ZBTB46: variants seen among roughly 807,000 people sequenced by gnomAD.
ZBTB46 encodes zinc finger and BTB domain-containing protein 46.
ZBTB46 carries 8 observed loss-of-function variants against 44.1 expected under a neutral mutation model. That is an observed-to-expected ratio of 0.18 (90% confidence interval 0.11 to 0.33). ZBTB46 has a LOEUF of 0.33. ZBTB46 is among the 10% of genes least tolerant of loss of function. ZBTB46 has a pLI of 1.00. For synonymous variants in ZBTB46, 409 were observed against 382.3 expected (o/e 1.07, Z -0.81); for missense variants, 651 against 847.7 (o/e 0.77, Z 2.88).
intron 1 of ZBTB46, among the ~76,000 whole-genome samples, chr20:63,798,100 G>C (rs958451418): frequency 1.3e-5 from 2 of 152,114 alleles, no homozygotes; most frequent in African/African-American, 2.4e-5. Context: ...GTATTGCCTA[G>C]GTTTTCTTCT....
chr20:63,788,634 T>A (rs1352216153), intron 2 of ZBTB46, among the ~76,000 whole-genome samples: 1 of 151,524 alleles, frequency 6.6e-6, no homozygotes, highest in Non-Finnish European at 1.5e-5. Flanking sequence ...AAGTCAGGAG[T>A]TCGAGACCAT....
At position 63,748,900 on chromosome 20, in the gene ZBTB46, A is replaced by G. The variant is rs559125990; in HGVS notation, c.1399-1599T>C. 7.8e-4 allele frequency among the ~76,000 whole-genome samples: 119 copies of G among 152,330 alleles called. 1 individual carries two copies. Among genetic ancestry groups the G allele is most frequent in the African/African-American group, 2.7e-3 (112 of 41,570 alleles). ...TGTCATGGCGGAAGACGGTCCTGCT[A>G]CACTTGCAAAGACCTCTGACGGGCA... On this transcript the variant is annotated intron_variant, in intron 4 of 4. Coordinates refer to ENST00000245663, the MANE Select transcript of ZBTB46 (RefSeq NM_001369741.1).
At chr20:63,816,091 GGTGCA>G (rs112514917) in intron 1 of ZBTB46, among the ~76,000 whole-genome samples, 2 of 148,390 alleles carry the variant, frequency 1.3e-5, no homozygotes, top group East Asian at 2.0e-4. Flanking sequence ...GGTGGGCACA[GGTGCA>G]GTGGGCGCAG....
At chr20:63,793,406 T>A (rs2092576503) in intron 1 of ZBTB46, among the ~76,000 whole-genome samples, 1 of 152,044 alleles carries the variant, frequency 6.6e-6, no homozygotes, top group Admixed American at 6.6e-5. Flanking sequence ...ATCGGGGAAG[T>A]GACCAAAACA....
intron 1 of ZBTB46, among the ~76,000 whole-genome samples, chr20:63,809,837 C>T (rs2092707619): frequency 6.6e-6 from 1 of 151,970 alleles, no homozygotes; most frequent in South Asian, 2.1e-4. Flanking sequence ...GTGGTGCACA[C>T]CTGTAGTCCC....
intron 1 of ZBTB46, among the ~76,000 whole-genome samples, chr20:63,802,378 C>T (rs1298569271): frequency 4.6e-5 from 7 of 151,822 alleles, no homozygotes; most frequent in Non-Finnish European, 1.0e-4. Flanking sequence ...GCTGAGATTG[C>T]GCCACTGCAC....
At chr20:63,771,360 G>A (rs1376633810) in intron 3 of ZBTB46, among the ~76,000 whole-genome samples, 1 of 152,144 alleles carries the variant, frequency 6.6e-6, no homozygotes, top group African/African-American at 2.4e-5. Context: ...GGGAGGACAC[G>A]GCTCTGCGTC....
chr20:63,823,337 A>C (rs1424513792), intron 1 of ZBTB46, among the ~76,000 whole-genome samples: 1 of 151,936 alleles, frequency 6.6e-6, no homozygotes, highest in African/African-American at 2.4e-5. Context: ...TCTACTAAAA[A>C]AAGTACAAAA....
At chr20:63,755,983 T>C (rs2092217051) in intron 3 of ZBTB46, among the ~76,000 whole-genome samples, 2 of 152,212 alleles carry the variant, frequency 1.3e-5, no homozygotes, top group African/African-American at 4.8e-5. Context: ...AGAGCTGGCG[T>C]GGACCCCCTA....
At position 63,763,096 on chromosome 20, in the gene ZBTB46, G is replaced by A. The variant is rs536365120; in HGVS notation, c.1223-10235C>T. 2.0e-4 allele frequency among the ~76,000 whole-genome samples: 30 copies of A among 152,302 alleles called. 1 individual carries two copies. The highest frequency in any genetic ancestry group is 4.6e-4 in the Admixed American group (7 of 15,300). ...GCAGGTCTCAAACTCTTGGCCCCAA[G>A]TGATCCTCCCACCTTAGCCTCCCAA... On this transcript the variant is annotated intron_variant, in intron 3 of 4. Transcript: ENST00000245663.
In ZBTB46 at chr20:63,747,182, G is replaced by C. The variant is rs758409465; in HGVS notation, c.1518C>G (p.Gly506=). ...RRHGVCTDCA[G]RGMAGPLDHG... is the part of the protein sequence containing the mutation. ...GGTCCAGGGGCCCGGCCATGCCGCG[G>C]CCAGCACAGTCGGTGCACACACCGT... is the stretch of plus-strand genomic sequence containing the variant. Residue 506 remains glycine, a synonymous_variant, in exon 5 of 5, where the codon GGC becomes GGG. Coordinates refer to ENST00000245663, the MANE Select transcript of ZBTB46 (RefSeq NM_001369741.1). The C allele has an allele frequency of 4.4e-6, 7 of 1,608,834 alleles. No individual in the cohort carries two copies. In the East Asian group the frequency reaches 1.6e-4, roughly 36 times the overall value.
intron 3 of ZBTB46, among the ~76,000 whole-genome samples, chr20:63,766,113 G>A (rs766571531): frequency 2.2e-4 from 34 of 151,716 alleles, no homozygotes; most frequent in Admixed American, 1.7e-3. Flanking sequence ...GAGCCCAGGC[G>A]TGGACTAATC....
intron 3 of ZBTB46, among the ~76,000 whole-genome samples, chr20:63,765,106 TGTGTGTGTGTGTGC>T (rs1445894366): frequency 6.7e-6 from 1 of 148,686 alleles, no homozygotes; most frequent in African/African-American, 2.6e-5. Flanking sequence ...TATGTGTGGT[TGTGTGTGTGTGTGC>T]GTGTGTGTGT....
At chr20:63,816,104 C>A (rs1384940672) in intron 1 of ZBTB46, among the ~76,000 whole-genome samples, 1 of 145,094 alleles carries the variant, frequency 6.9e-6, no homozygotes, top group Non-Finnish European at 1.5e-5. Flanking sequence ...GCAGTGGGCG[C>A]AGGTGCAGTG....
intron 4 of ZBTB46, among the ~76,000 whole-genome samples, chr20:63,748,594 G>A (rs934649440): frequency 1.3e-5 from 2 of 152,198 alleles, no homozygotes; most frequent in African/African-American, 4.8e-5. Context: ...AGGACCCACA[G>A]AGGACCCCAA....
At chr20:63,826,389 C>G (rs1423200200) in intron 1 of ZBTB46, among the ~76,000 whole-genome samples, 1 of 152,178 alleles carries the variant, frequency 6.6e-6, no homozygotes, top group Non-Finnish European at 1.5e-5. Context: ...CCAAGAGGAG[C>G]CCGGGGGCGA....
intron 2 of ZBTB46, among the ~76,000 whole-genome samples, chr20:63,779,339 CAA>C (rs1303690902): frequency 6.6e-6 from 1 of 151,554 alleles, no homozygotes; most frequent in Non-Finnish European, 1.5e-5. Context: ...CTCCCGGCTT[CAA>C]GTGATTCTCC....
intron 3 of ZBTB46, chr20:63,775,321 G>T: frequency 4.6e-6 from 1 of 215,320 alleles, no homozygotes; most frequent in Non-Finnish European, 9.1e-6. Flanking sequence ...GGCCGGCAGG[G>T]GGCGCCCGAG....
At chr20:63,822,602 C>T (rs1280153338) in intron 1 of ZBTB46, among the ~76,000 whole-genome samples, 1 of 152,188 alleles carries the variant, frequency 6.6e-6, no homozygotes, top group Non-Finnish European at 1.5e-5. Context: ...GATGCACCAT[C>T]AGTCAACGGC....
Sources: gnomAD v4.1 joint callset for allele counts (sites outside exome capture counted in the v4.1 genomes callset) on GRCh38, gnomAD v4.1.1 for gene constraint, MANE v1.5 for transcripts, NCBI Gene and HGNC (gene_info 2026-07-23, HGNC 2026-07-21) for gene names.